Variants in C7orf78 observed in about 807,000 individuals in gnomAD.
C7orf78 encodes the protein chromosome 7 open reading frame 78.
chr7:12,541,695 T>C, the C7orf78 span: 1 of 152,018 alleles, frequency 6.6e-6, no homozygotes, highest in Non-Finnish European at 1.5e-5. Context: ...AAAAAGAGTA[T>C]ATGTATGAGC....
chr7:12,505,204 C>T, the C7orf78 span, among the ~76,000 whole-genome samples: 15 of 151,706 alleles, frequency 9.9e-5, no homozygotes, highest in East Asian at 3.9e-4. Context: ...TTTCAAAAGG[C>T]GAATATAATT....
chr7:12,524,698 C>A, the C7orf78 span, among the ~76,000 whole-genome samples: 1 of 151,922 alleles, frequency 6.6e-6, no homozygotes, highest in African/African-American at 2.4e-5. Context: ...CAAAAATTAG[C>A]CAGGTGTGGT....
chr7:12,533,709 G>T, the C7orf78 span, among the ~76,000 whole-genome samples: 8 of 151,942 alleles, frequency 5.3e-5, no homozygotes, highest in African/African-American at 1.9e-4. Context: ...GTAGAGACAA[G>T]GTTTCACCAC....
chr7:12,520,750 G>C, the C7orf78 span, among the ~76,000 whole-genome samples: 13 of 152,158 alleles, frequency 8.5e-5, no homozygotes, highest in African/African-American at 3.1e-4. Flanking sequence ...ATTTGCTCTA[G>C]AATGCAGTTT....
At chr7:12,516,002 C>A in the C7orf78 span, among the ~76,000 whole-genome samples, 2 of 152,292 alleles carry the variant, frequency 1.3e-5, no homozygotes, top group Admixed American at 1.3e-4. Context: ...AGAAATTCAA[C>A]CTGGCTGCAG....
At chr7:12,538,423 G>A in the C7orf78 span, 1 of 152,142 alleles carries the variant, frequency 6.6e-6, no homozygotes, top group African/African-American at 2.4e-5. Context: ...GGTGTCCAGA[G>A]GAGAAATGGA....
At chr7:12,539,790 A>C in the C7orf78 span, among the ~76,000 whole-genome samples, 2 of 152,188 alleles carry the variant, frequency 1.3e-5, no homozygotes, top group Admixed American at 1.3e-4. Context: ...TTTATATAAC[A>C]TTCTTCTGTA....
At chr7:12,539,988 G>A in the C7orf78 span, among the ~76,000 whole-genome samples, 1 of 152,148 alleles carries the variant, frequency 6.6e-6, no homozygotes. Flanking sequence ...ACAAATGTAA[G>A]CTTCAAGCTT....
At chr7:12,529,134 A>G in the C7orf78 span, 1 of 397,052 alleles carries the variant, frequency 2.5e-6, no homozygotes, top group Non-Finnish European at 4.4e-6. Flanking sequence ...TATTTGTTGT[A>G]GTGTAAAATA....
the C7orf78 span, chr7:12,506,888 T>A: frequency 2.1e-6 from 1 of 473,688 alleles, no homozygotes; most frequent in Non-Finnish European, 4.3e-6. Context: ...TATAACAAGT[T>A]TAAGAACATG....
the C7orf78 span, among the ~76,000 whole-genome samples, chr7:12,525,047 A>G: frequency 6.6e-6 from 1 of 152,158 alleles, no homozygotes; most frequent in African/African-American, 2.4e-5. Flanking sequence ...ACTTGGTCTC[A>G]TGTTGTATTC....
At chr7:12,495,679 T>A in the C7orf78 span, among the ~76,000 whole-genome samples, 5 of 152,222 alleles carry the variant, frequency 3.3e-5, no homozygotes, top group Non-Finnish European at 7.3e-5. Context: ...GGAACACTAT[T>A]TAAAGCCTAT....
the C7orf78 span, among the ~76,000 whole-genome samples, chr7:12,508,226 A>G: frequency 6.6e-6 from 1 of 152,204 alleles, no homozygotes. Context: ...GGCTGAGTAT[A>G]TATAGGAATG....
chr7:12,493,779 T>G, the C7orf78 span, among the ~76,000 whole-genome samples: 1 of 152,202 alleles, frequency 6.6e-6, no homozygotes, highest in Admixed American at 6.5e-5. Context: ...CTGTGAGATT[T>G]TGCTGGCAAG....
the C7orf78 span, among the ~76,000 whole-genome samples, chr7:12,514,720 T>G: frequency 1.3e-5 from 2 of 152,142 alleles, no homozygotes; most frequent in Non-Finnish European, 2.9e-5. Context: ...GCTTTACCAG[T>G]GATTTTACAC....
the C7orf78 span, among the ~76,000 whole-genome samples, chr7:12,510,229 A>G: frequency 2.6e-5 from 4 of 152,006 alleles, no homozygotes; most frequent in Non-Finnish European, 4.4e-5. Flanking sequence ...AGGCTGGATC[A>G]CGATCCAGCA....
chr7:12,522,129 C>T, the C7orf78 span, among the ~76,000 whole-genome samples: 1 of 151,992 alleles, frequency 6.6e-6, no homozygotes, highest in Admixed American at 6.6e-5. Flanking sequence ...TTTTGATGAT[C>T]CTCTATTTTG....
chr7:12,510,700 T>C, the C7orf78 span, among the ~76,000 whole-genome samples: 1 of 152,176 alleles, frequency 6.6e-6, no homozygotes, highest in African/African-American at 2.4e-5. Context: ...TCTTTTGAGA[T>C]CTGTTTATTC....
chr7:12,499,985 G>A, the C7orf78 span, among the ~76,000 whole-genome samples: 3 of 116,338 alleles, frequency 2.6e-5, no homozygotes, highest in Non-Finnish European at 5.3e-5. Context: ...TGACTACTGG[G>A]TACATAACGA....
Sources: gnomAD v4.1 joint callset for allele counts (sites outside exome capture counted in the v4.1 genomes callset) on GRCh38, gnomAD v4.1.1 for gene constraint, MANE v1.5 for transcripts, NCBI Gene and HGNC (gene_info 2026-07-23, HGNC 2026-07-21) for gene names.